DHRSX: variants seen among roughly 807,000 people sequenced by gnomAD.
The protein encoded by DHRSX is polyprenol dehydrogenase.
DHRSX carries 31 observed loss-of-function variants against 34.0 expected under a neutral mutation model. The ratio of observed to expected loss-of-function variants is 0.91; its 90% CI spans 0.69 to 1.23. The LOEUF is 1.23. Ranked by LOEUF, DHRSX falls within the 50% of genes most tolerant of loss-of-function variation. The pLI is 0.00. For synonymous variants in DHRSX, 201 were observed against 183.8 expected (o/e 1.09, Z -0.76); for missense variants, 414 against 428.1 (o/e 0.97, Z 0.29).
In DHRSX at chrX:2,303,872, GATGGGTGGATGGATGGATGGATGGATAA is replaced by G. The variant is rs1302522399; in HGVS notation, c.287-12297_287-12270del. Among the ~76,000 whole-genome samples, 974 of 143,036 alleles carry G rather than the reference GATGGGTGGATGGATGGATGGATGGATAA, an allele frequency of 6.8e-3. 19 individuals carry two copies. Among genetic ancestry groups the G allele is most frequent in the African/African-American group, 0.021 (772 of 36,990 alleles). 93.8% of individuals were successfully genotyped at this position (143,036 alleles called of 152,430 possible). On this transcript the variant is annotated intron_variant, in intron 3 of 6. Transcript: ENST00000334651. ...GGATGGGTGGATGGGTGGATGGGTG[GATGGGTGGATGGATGGATGGATGGATAA>G]ATGGATGGATGGATGGATGGATGGA...
At chrX:2,283,663 C>T (rs2041761770) in intron 4 of DHRSX, among the ~76,000 whole-genome samples, 1 of 152,166 alleles carries the variant, frequency 6.6e-6, no homozygotes. Context: ...CTGGGCTTCC[C>T]CGAATGAATC....
intron 3 of DHRSX, 72 bp from the exon 4 acceptor site, chrX:2,291,675 A>G (rs1207491722): frequency 8.9e-7 from 1 of 1,128,284 alleles, no homozygotes; most frequent in Non-Finnish European, 1.4e-6. Flanking sequence ...AAATTTCTAA[A>G]CAGGTCAAAC....
At chrX:2,291,976 G>T (rs2041872687) in intron 3 of DHRSX, among the ~76,000 whole-genome samples, 1 of 148,546 alleles carries the variant, frequency 6.7e-6, no homozygotes, top group African/African-American at 2.5e-5. Context: ...TTGACCTCAG[G>T]TGATCCGCCC....
chrX:2,495,395 TTTCTA>T (rs1449691362), intron 1 of DHRSX, among the ~76,000 whole-genome samples: 1 of 151,874 alleles, frequency 6.6e-6, no homozygotes, highest in African/African-American at 2.4e-5. Flanking sequence ...TGAACAAAGG[TTTCTA>T]TTCTATTATG....
intron 5 of DHRSX, among the ~76,000 whole-genome samples, chrX:2,244,523 T>C (rs896194072): frequency 2.0e-5 from 3 of 152,134 alleles, no homozygotes; most frequent in Non-Finnish European, 2.9e-5. Flanking sequence ...AGCCTTAGAA[T>C]TGGCCTCATA....
At chrX:2,277,510 TGG>T (rs1238616111) in intron 4 of DHRSX, among the ~76,000 whole-genome samples, 4 of 17,446 alleles carry the variant, frequency 2.3e-4, no homozygotes, top group African/African-American at 6.1e-4. Flanking sequence ...GAGGAGGAAA[TGG>T]GGGAAAGAGA....
At chrX:2,419,934 G>C (rs1238171991) in intron 2 of DHRSX, among the ~76,000 whole-genome samples, 1 of 151,854 alleles carries the variant, frequency 6.6e-6, no homozygotes, top group African/African-American at 2.4e-5. Flanking sequence ...AAACCTGCAC[G>C]TTGTGCACAT....
chrX:2,451,832 C>T (rs1265492419), intron 1 of DHRSX, among the ~76,000 whole-genome samples: 3 of 152,204 alleles, frequency 2.0e-5, no homozygotes, highest in African/African-American at 7.2e-5. Context: ...CCTAAGAATG[C>T]GGCCAAGGGA....
At chrX:2,412,155 C>T (rs1231868174) in intron 2 of DHRSX, among the ~76,000 whole-genome samples, 1 of 152,182 alleles carries the variant, frequency 6.6e-6, no homozygotes, top group Non-Finnish European at 1.5e-5. Context: ...CGCACACGTC[C>T]CAAACACAGT....
rs200162307 is a variant in DHRSX at position 2,370,180 on chromosome X, CT to C, written c.286+38564del. On this transcript the variant is annotated intron_variant, in intron 3 of 6. Coordinates refer to ENST00000334651, the MANE Select transcript of DHRSX (RefSeq NM_145177.3). ...CCCAGTTTGAGGAGTCCCAGTTCGT[CT>C]TTTTTTTTGAAACAGAGTCTCACTC... Among the ~76,000 whole-genome samples the C allele has an allele frequency of 3.1e-3, 464 of 150,714 alleles. 1 individual carries two copies. Among genetic ancestry groups the C allele is most frequent in the Middle Eastern group, 0.017 (5 of 294 alleles).
At chrX:2,444,010 G>GA (rs569503260) in intron 1 of DHRSX, among the ~76,000 whole-genome samples, 40,788 of 102,380 alleles carry the variant, frequency 0.4, 6,505 homozygotes, top group South Asian at 0.48. Flanking sequence ...GTCTCAAAAA[G>GA]AAAAAAAAAA....
intron 5 of DHRSX, among the ~76,000 whole-genome samples, chrX:2,251,612 C>T (rs1242739339): frequency 1.3e-5 from 2 of 152,110 alleles, no homozygotes; most frequent in South Asian, 2.1e-4. Flanking sequence ...CCCCTTTGTT[C>T]GCTGTACTCT....
At chrX:2,476,083 C>T (rs2044673793) in intron 1 of DHRSX, among the ~76,000 whole-genome samples, 1 of 152,154 alleles carries the variant, frequency 6.6e-6, no homozygotes, top group South Asian at 2.1e-4. Context: ...GAGACCAGCA[C>T]CTCTTATGGA....
At position 2,489,813 on chromosome X, in the gene DHRSX, A is replaced by C. The variant is rs1162818276; in HGVS notation, c.109+11004T>G. 3 of 1,613,468 alleles carry C rather than the reference A, an allele frequency of 1.9e-6. No homozygotes were observed. The South Asian group carries it at 3.3e-5, about 18-fold the overall frequency. Reference sequence around the variant, plus strand: ...AGCGCCCCCAGCTTCGGGAGCTGGAAGGCCTGCTGGATGCCGGCATTGAAG... The same window carrying C: ...AGCGCCCCCAGCTTCGGGAGCTGGACGGCCTGCTGGATGCCGGCATTGAAG... On this transcript the variant is annotated intron_variant, in intron 1 of 6. Coordinates refer to ENST00000334651, the MANE Select transcript of DHRSX (RefSeq NM_145177.3).
intron 4 of DHRSX, among the ~76,000 whole-genome samples, chrX:2,271,829 G>T (rs2041559573): frequency 6.6e-6 from 1 of 152,098 alleles, no homozygotes; most frequent in Non-Finnish European, 1.5e-5. Flanking sequence ...ATCAGTTCAG[G>T]TCAGGAGTTC....
intron 2 of DHRSX, among the ~76,000 whole-genome samples, chrX:2,409,481 C>A (rs751742050): frequency 6.6e-6 from 1 of 152,172 alleles, no homozygotes; most frequent in African/African-American, 2.4e-5. Context: ...TGTGTCCATG[C>A]GTTCTCATTG....
chrX:2,327,079 C>G (rs1006776449), intron 3 of DHRSX, among the ~76,000 whole-genome samples: 19 of 152,222 alleles, frequency 1.2e-4, no homozygotes, highest in Non-Finnish European at 2.6e-4. Flanking sequence ...TCCCAAGGTG[C>G]TGGGATTACA....
At chrX:2,365,321 G>A (rs2042983671) in intron 3 of DHRSX, among the ~76,000 whole-genome samples, 1 of 152,176 alleles carries the variant, frequency 6.6e-6, no homozygotes, top group Non-Finnish European at 1.5e-5. Context: ...TGTATTTTTA[G>A]TAGAGGCAGG....
chrX:2,487,429 G>C (rs2044971378), intron 1 of DHRSX: 1 of 152,228 alleles, frequency 6.6e-6, no homozygotes, highest in Non-Finnish European at 1.5e-5. Flanking sequence ...CAGTGGCGTA[G>C]TCTTGGCTCA....
Sources: gnomAD v4.1 joint callset for allele counts (sites outside exome capture counted in the v4.1 genomes callset) on GRCh38, gnomAD v4.1.1 for gene constraint, MANE v1.5 for transcripts, NCBI Gene and HGNC (gene_info 2026-07-23, HGNC 2026-07-21) for gene names.